Variants in ARHGEF28 observed in about 807,000 individuals in gnomAD.
The protein encoded by ARHGEF28 is Rho guanine nucleotide exchange factor 28.
In ARHGEF28, 152 loss-of-function variants were observed where a neutral mutation model predicts 206.6. The observed-to-expected ratio is 0.74, with a 90% confidence interval of 0.64 to 0.84. The LOEUF (loss-of-function observed/expected upper bound fraction) is 0.84, where lower values mean the gene tolerates loss of function less well. Ranked by LOEUF, ARHGEF28 falls within the 40% of genes least tolerant of loss-of-function variation. The pLI is 0.00. For synonymous variants in ARHGEF28, 763 were observed against 776.4 expected, an observed-to-expected ratio of 0.98 and a Z score of 0.29; for missense variants, 2,028 against 2,073.2, an observed-to-expected ratio of 0.98 and a Z score of 0.42.
At position 73,883,915 on chromosome 5, in the gene ARHGEF28, C is replaced by T. The variant is rs757398737; in HGVS notation, c.3055+31C>T. 1.4e-5 allele frequency: 19 copies of T among 1,400,290 alleles called. No individual in the cohort carries two copies. In the Admixed American group the frequency reaches 2.0e-4, roughly 15 times the overall value. 86.7% of individuals were successfully genotyped at this position (1,400,290 alleles called of 1,614,324 possible). A position where few individuals can be genotyped will look rare whatever the true frequency, so the allele number is the denominator to read the frequency against. ...TTGTGACTTCTGGGATAAAAATTTG[C>T]CCCTCTTATTAGTTTTAAACACAGT... is the stretch of plus-strand genomic sequence containing the variant. On this transcript the variant is annotated intron_variant, in intron 24 of 35. Coordinates refer to ENST00000513042, the MANE Select transcript of ARHGEF28 (RefSeq NM_001177693.2).
intron 9 of ARHGEF28, among the ~76,000 whole-genome samples, chr5:73,818,945 G>A (rs776370897): frequency 9.9e-5 from 15 of 152,124 alleles, no homozygotes; most frequent in Non-Finnish European, 1.3e-4. Context: ...CATTAATTAC[G>A]TAAGGTAGAA....
rs57929899 is a variant in ARHGEF28, at chr5:73,922,214, G to C, written c.4948+10639G>C. Among the ~76,000 whole-genome samples the C allele has an allele frequency of 6.0e-4, 91 of 152,318 alleles. 2 individuals are homozygous for C. The South Asian group carries it at 0.018, about 30-fold the overall frequency. On this transcript the variant is annotated intron_variant, in intron 35 of 35. Coordinates refer to ENST00000513042, the MANE Select transcript of ARHGEF28 (RefSeq NM_001177693.2). ...TTTCGCCTCATTCGGTTTAGTCACTGATCATTTAGATGGGGAATTCTTGAT... is the reference window on the plus strand; with the variant it reads ...TTTCGCCTCATTCGGTTTAGTCACTCATCATTTAGATGGGGAATTCTTGAT...
intron 2 of ARHGEF28, among the ~76,000 whole-genome samples, chr5:73,701,732 C>G (rs538936660): frequency 1.3e-5 from 2 of 152,194 alleles, no homozygotes; most frequent in South Asian, 4.2e-4. Flanking sequence ...TTGGGACTGC[C>G]TTTTTAATCA....
At chr5:73,794,706 A>C (rs1485406366) in intron 8 of ARHGEF28, among the ~76,000 whole-genome samples, 1 of 151,068 alleles carries the variant, frequency 6.6e-6, no homozygotes, top group East Asian at 1.9e-4. Flanking sequence ...TCCTGGGTTC[A>C]AATGATTCTC....
intron 22 of ARHGEF28, among the ~76,000 whole-genome samples, chr5:73,873,859 C>G (rs548906861): frequency 1.1e-4 from 17 of 152,184 alleles, no homozygotes; most frequent in African/African-American, 4.1e-4. Flanking sequence ...TGGTGCAAAC[C>G]TAAGCTTTCA....
intron 35 of ARHGEF28, among the ~76,000 whole-genome samples, chr5:73,937,667 C>T (rs987742723): frequency 1.3e-5 from 2 of 152,114 alleles, no homozygotes; most frequent in Admixed American, 6.5e-5. Context: ...TTATGTCCAT[C>T]GATTTACAGG....
At chr5:73,827,612 TG>T (rs1315642830) in intron 9 of ARHGEF28, among the ~76,000 whole-genome samples, 1 of 152,230 alleles carries the variant, frequency 6.6e-6, no homozygotes, top group African/African-American at 2.4e-5. Flanking sequence ...AGTAGAGACT[TG>T]AACCCAGGCA....
rs746903598 is a variant in ARHGEF28 at position 73,867,967 on chromosome 5, T to G, written c.2244T>G (p.Thr748=). ...GATTGCCGACTGGAAGGAGGGAGAC[T>G]GTGGGACAGGTCCATCCATTGTCCA... ...PVGLPTGRRE[T]VGQVHPLSRS... The change falls in exon 19 of 36, where the codon ACT becomes ACG. Residue 748 remains threonine, a synonymous_variant. Coordinates refer to ENST00000513042, the MANE Select transcript of ARHGEF28 (RefSeq NM_001177693.2). 29 of 1,614,028 alleles carry G rather than the reference T, an allele frequency of 1.8e-5. No homozygotes were observed. In the East Asian group the frequency reaches 6.0e-4, roughly 33 times the overall value.
chr5:73,849,045 A>T lies in ARHGEF28; in HGVS notation c.1705A>T (p.Thr569Ser). 1.3e-6 allele frequency: 2 copies of T among 1,577,212 alleles called. No individual in the cohort carries two copies. The highest frequency in any genetic ancestry group is 1.7e-6 in the Non-Finnish European group (2 of 1,159,380). The change falls in exon 13 of 36, where the codon ACT becomes TCT. Residue 569 changes from threonine to serine, a missense_variant. This residue lies in a region of ARHGEF28 where 1,002 missense variants were observed against 1,015.3 expected (regional missense o/e 0.99). Coordinates refer to ENST00000513042, the MANE Select transcript of ARHGEF28 (RefSeq NM_001177693.2). ...ATCACCCAAAATTTCTTTAGGAAAA[A>T]CTCGTTTGGTGCGTGAATTAACAGT... is the stretch of plus-strand genomic sequence containing the variant. ...CSSPKISLGKTRLVRELTVCS... is the reference protein window; with the variant it reads ...CSSPKISLGKSRLVRELTVCS...
rs1173768297 is a variant in ARHGEF28, at chr5:73,911,486, C to T, written c.4859C>T (p.Ser1620Leu). Residue 1620 changes from serine to leucine, a missense_variant, in exon 35 of 36, where the codon TCG becomes TTG. Coordinates refer to ENST00000513042, the MANE Select transcript of ARHGEF28 (RefSeq NM_001177693.2). ...CTCAAGGTGGACCCTTCTCAGCCTT[C>T]GAATGTCAGTCACAAACTGTGGACA... is the stretch of plus-strand genomic sequence containing the variant. ...VDLKVDPSQP[S>L]NVSHKLWTAA... is the part of the protein sequence containing the mutation. 9.9e-6 allele frequency: 16 copies of T among 1,613,776 alleles called. No homozygotes were observed. The highest frequency in any genetic ancestry group is 3.3e-5 in the South Asian group (3 of 91,036).
At chr5:73,887,350 T>C (rs2112675637) in intron 25 of ARHGEF28, 2 of 308,938 alleles carry the variant, frequency 6.5e-6, no homozygotes, top group South Asian at 2.6e-4. Context: ...TTAATGGATA[T>C]TTTTCTTCTG....
At chr5:73,794,499 AAG>A in intron 8 of ARHGEF28, 45 bp downstream of exon 8, 1 of 1,463,794 alleles carries the variant, frequency 6.8e-7, no homozygotes, top group Non-Finnish European at 9.4e-7. Flanking sequence ...TCTTTCCATA[AAG>A]TAGAAATGAA....
At position 73,873,221 on chromosome 5, in the gene ARHGEF28, G is replaced by C; in HGVS notation, c.2789G>C (p.Arg930Pro). The C allele has an allele frequency of 2.5e-6, 4 of 1,610,802 alleles. No homozygotes were observed. Among genetic ancestry groups the C allele is most frequent in the Non-Finnish European group, 3.4e-6 (4 of 1,178,336 alleles). ...AGCGACAGGAATTTTGTGATCGACC[G>C]AATTGGAGATATTTTGGTACAACAG... ...AGSDRNFVID[R>P]IGDILVQQFS... Residue 930 changes from arginine to proline, a missense_variant, in exon 22 of 36, where the codon CGA becomes CCA. By Grantham distance (103) the Arg-to-Pro change is moderately radical. Coordinates refer to ENST00000513042, the MANE Select transcript of ARHGEF28 (RefSeq NM_001177693.2).
intron 9 of ARHGEF28, among the ~76,000 whole-genome samples, chr5:73,822,768 C>T (rs139800692): frequency 6.6e-6 from 1 of 152,254 alleles, no homozygotes; most frequent in Non-Finnish European, 1.5e-5. Flanking sequence ...CGTATACAGA[C>T]ATGCACCACC....
At chr5:73,703,199 T>G (rs993763262) in intron 2 of ARHGEF28, among the ~76,000 whole-genome samples, 2 of 152,004 alleles carry the variant, frequency 1.3e-5, no homozygotes, top group Non-Finnish European at 2.9e-5. Context: ...ATGGTTAAAT[T>G]GATAGCACTT....
intron 16 of ARHGEF28, among the ~76,000 whole-genome samples, chr5:73,861,915 A>G (rs940184853): frequency 3.9e-5 from 6 of 152,158 alleles, no homozygotes; most frequent in African/African-American, 4.8e-5. Context: ...AGGTTTTTAC[A>G]TGGAGCAATA....
At chr5:73,895,225 G>A (rs1266476076) in intron 29 of ARHGEF28, among the ~76,000 whole-genome samples, 3 of 152,206 alleles carry the variant, frequency 2.0e-5, no homozygotes, top group African/African-American at 7.2e-5. Flanking sequence ...AAGTGCAGAT[G>A]TTGGTAATAA....
intron 31 of ARHGEF28, 27 bp downstream of exon 31, chr5:73,901,311 C>T (rs761448953): frequency 1.4e-5 from 23 of 1,589,858 alleles, no homozygotes; most frequent in South Asian, 6.8e-5. Context: ...TGTTAGTAAA[C>T]GGCAGCGGTT....
rs990084159 is a variant in ARHGEF28 at position 73,642,319 on chromosome 5, G to T, written c.-12+15997G>T. On this transcript the variant is annotated intron_variant, in intron 1 of 35. Transcript: ENST00000513042. ...AGTTTGTCATCCTAAATATTTCCAG[G>T]TGTAAAACAGGGTTTTGTTTTTGTT... Among the ~76,000 whole-genome samples, 4 of 152,124 alleles carry T rather than the reference G, an allele frequency of 2.6e-5. No homozygotes were observed. In the South Asian group the frequency reaches 8.3e-4, roughly 32 times the overall value.
Sources: allele counts gnomAD v4.1 joint callset (sites outside exome capture counted in the v4.1 genomes callset), GRCh38; gene constraint gnomAD v4.1.1; regional missense constraint gnomAD v4.1.1; transcripts MANE v1.5; gene names NCBI Gene and HGNC (gene_info 2026-07-23, HGNC 2026-07-21).